PPP1R12A: variants seen among roughly 807,000 people sequenced by gnomAD.
The protein encoded by PPP1R12A is protein phosphatase 1 regulatory subunit 12A.
In PPP1R12A, 19 loss-of-function variants were observed where a neutral mutation model predicts 139.6. The observed-to-expected ratio is 0.14, with a 90% CI of 0.09 to 0.20. The LOEUF (loss-of-function observed/expected upper bound fraction) is 0.20, where lower values mean the gene tolerates loss of function less well. Ranked by LOEUF, PPP1R12A falls within the 10% of genes least tolerant of loss-of-function variation. The probability of loss-of-function intolerance (pLI) is 1.00; values close to 1 mark genes in which losing one functional copy is unlikely to be tolerated. For missense variants in PPP1R12A, 925 were observed against 1,211.5 expected (o/e 0.76, Z 3.51); for synonymous variants, 427 against 420.6 (o/e 1.02, Z -0.19).
intron 3 of PPP1R12A, among the ~76,000 whole-genome samples, chr12:79,844,382 G>A (rs1024753383): frequency 7.9e-5 from 12 of 152,248 alleles, no homozygotes; most frequent in Admixed American, 2.0e-4. Context: ...ATCTCAGATA[G>A]GAACTTCATC....
intron 1 of PPP1R12A, chr12:79,914,000 A>G (rs1317407628): frequency 6.6e-6 from 1 of 152,176 alleles, no homozygotes; most frequent in Non-Finnish European, 1.5e-5. Context: ...TAAGACATTT[A>G]AAAAAATTTC....
In PPP1R12A at chr12:79,776,006, C is replaced by G; in HGVS notation, c.3016G>C (p.Asp1006His). Residue 1006 changes from aspartate to histidine, a missense_variant, in exon 25 of 25, where the codon GAC becomes CAC. By Grantham distance (81) the Asp-to-His change is moderately conservative. Coordinates refer to ENST00000450142, the MANE Select transcript of PPP1R12A (RefSeq NM_002480.3). ...AGCCTCTGGTTGTCTGCTTTTAGGT[C>G]TGGTAACATCTATAAAGAGAAAAAT... ...EMEEELKMLP[D>H]LKADNQRLKD... 1 of 1,588,008 alleles carries G rather than the reference C, an allele frequency of 6.3e-7. No homozygotes were observed.
chr12:79,809,864 T>A lies in PPP1R12A; in HGVS notation c.1386A>T (p.Lys462Asn), dbSNP rs909288159. Residue 462 changes from lysine (K) to asparagine (N), a missense_variant, in exon 10 of 25, where the codon AAA becomes AAT. Coordinates refer to ENST00000450142, the MANE Select transcript of PPP1R12A (RefSeq NM_002480.3). ...CTGAACGTGTAACACCTGCAGTATC[T>A]TTTTCTTTCTGACCCTCTTTAGATG... ...ITASKEGQKE[K>N]DTAGVTRSAS... 2 of 1,613,536 alleles carry A rather than the reference T, an allele frequency of 1.2e-6. No individual in the cohort carries two copies. Among genetic ancestry groups the A allele is most frequent in the Non-Finnish European group, 1.7e-6 (2 of 1,179,674 alleles).
intron 22 of PPP1R12A, chr12:79,782,618 G>A (rs1870595857): frequency 2.3e-6 from 1 of 436,158 alleles, no homozygotes; most frequent in Non-Finnish European, 4.5e-6. Flanking sequence ...CACAGGCACA[G>A]TTTAAGAACA....
chr12:79,882,751 T>C (rs1240270729), intron 1 of PPP1R12A, among the ~76,000 whole-genome samples: 1 of 152,130 alleles, frequency 6.6e-6, no homozygotes. Flanking sequence ...AGTCAGTTGA[T>C]GAGGGAAACT....
At chr12:79,881,125 A>G (rs967479441) in intron 1 of PPP1R12A, among the ~76,000 whole-genome samples, 1 of 152,116 alleles carries the variant, frequency 6.6e-6, no homozygotes, top group Non-Finnish European at 1.5e-5. Context: ...CTTAGAAATA[A>G]CAATATTAAA....
At chr12:79,821,622 G>T (rs1177877743) in intron 6 of PPP1R12A, among the ~76,000 whole-genome samples, 1 of 151,924 alleles carries the variant, frequency 6.6e-6, no homozygotes, top group South Asian at 2.1e-4. Context: ...GCATGGTGGC[G>T]TGTACCTGTA....
At chr12:79,859,189 C>T (rs1384152997) in intron 2 of PPP1R12A, among the ~76,000 whole-genome samples, 1 of 151,464 alleles carries the variant, frequency 6.6e-6, no homozygotes, top group African/African-American at 2.4e-5. Context: ...CAAAAAAAAT[C>T]AGCTGGGCAT....
chr12:79,850,241 A>C (rs896051761), intron 2 of PPP1R12A, among the ~76,000 whole-genome samples: 2 of 152,246 alleles, frequency 1.3e-5, no homozygotes, highest in African/African-American at 2.4e-5. Flanking sequence ...AAATCAAGAC[A>C]TGATCCAAAA....
In PPP1R12A at chr12:79,911,614, G is replaced by C. The variant is rs571594247; in HGVS notation, c.237+23081C>G. 5.3e-5 allele frequency among the ~76,000 whole-genome samples: 8 copies of C among 151,854 alleles called. No homozygotes were observed. In the South Asian group the frequency reaches 1.7e-3, roughly 32 times the overall value. ...CCTGAAATAAAAGGTTTTTTTTTAA[G>C]ACTTAAAAATTCTAGCAAAATATCT... is the stretch of plus-strand genomic sequence containing the variant. On this transcript the variant is annotated intron_variant, in intron 1 of 24. Transcript: ENST00000450142.
rs1888540780 is a variant in PPP1R12A at position 79,934,686 on chromosome 12, C to G, written c.237+9G>C. The G allele has an allele frequency of 6.6e-7, 1 of 1,513,304 alleles. No individual in the cohort carries two copies. The highest frequency in any genetic ancestry group is 1.4e-5 in the African/African-American group (1 of 72,204). The allele number at this position is 1,513,304 out of a possible 1,614,324, so 93.7% of individuals were successfully genotyped here. On this transcript the variant is annotated intron_variant, in intron 1 of 24. Coordinates refer to ENST00000450142, the MANE Select transcript of PPP1R12A (RefSeq NM_002480.3). ...ACGGTCAGGAGAGCCGGCGGCGGGG[C>G]GCACAGACCTGGTGCAGGGCAGTGA...
At chr12:79,866,551 G>T (rs1477229465) in intron 2 of PPP1R12A, among the ~76,000 whole-genome samples, 1 of 152,128 alleles carries the variant, frequency 6.6e-6, no homozygotes, top group Non-Finnish European at 1.5e-5. Context: ...CAGAATCGGA[G>T]AAAATTTTTG....
At chr12:79,890,904 C>CG in intron 1 of PPP1R12A, among the ~76,000 whole-genome samples, 1 of 100,150 alleles carries the variant, frequency 1.0e-5, no homozygotes, top group Middle Eastern at 4.4e-3. Context: ...CCCACACCCA[C>CG]CCACACACAC....
At chr12:79,852,068 G>A (rs1030558371) in intron 2 of PPP1R12A, among the ~76,000 whole-genome samples, 1 of 152,042 alleles carries the variant, frequency 6.6e-6, no homozygotes, top group Admixed American at 6.6e-5. Context: ...AAGATAGCTG[G>A]CTTTATAATC....
At chr12:79,932,011 A>G (rs996874650) in intron 1 of PPP1R12A, among the ~76,000 whole-genome samples, 2 of 152,230 alleles carry the variant, frequency 1.3e-5, no homozygotes, top group Non-Finnish European at 2.9e-5. Context: ...TTCGATTTTC[A>G]AAAGCATATT....
At chr12:79,796,986 T>C (rs757717110) in intron 16 of PPP1R12A, 36 bp from the exon 17 acceptor site, 2 of 1,547,476 alleles carry the variant, frequency 1.3e-6, no homozygotes, top group Admixed American at 2.1e-5. Context: ...ATTTGAAACA[T>C]TAAACACAAT....
chr12:79,885,936 T>C (rs1368201420), intron 1 of PPP1R12A, among the ~76,000 whole-genome samples: 2 of 152,128 alleles, frequency 1.3e-5, no homozygotes, highest in Non-Finnish European at 2.9e-5. Flanking sequence ...CCTCAAGCAA[T>C]CCTCTTGCTT....
At chr12:79,811,607 C>A (rs1565753111) in intron 9 of PPP1R12A, among the ~76,000 whole-genome samples, 2 of 152,222 alleles carry the variant, frequency 1.3e-5, no homozygotes, top group African/African-American at 4.8e-5. Flanking sequence ...GGTACTGAGA[C>A]AGCTGCTTAT....
rs944107136 is a variant in PPP1R12A, at chr12:79,802,288, T to C, written c.2000+3304A>G. 3.9e-5 allele frequency among the ~76,000 whole-genome samples: 6 copies of C among 152,342 alleles called. No homozygotes were observed. The South Asian group carries it at 6.2e-4, about 16-fold the overall frequency. Reference sequence around the variant, plus strand: ...AATCCTCCACCCCTGACCCATTTTGTGGCATATTCAGTAAATATAGAAAAG... The same window carrying C: ...AATCCTCCACCCCTGACCCATTTTGCGGCATATTCAGTAAATATAGAAAAG... On this transcript the variant is annotated intron_variant, in intron 14 of 24. Transcript: ENST00000450142.
Sources: allele counts gnomAD v4.1 joint callset (sites outside exome capture counted in the v4.1 genomes callset), GRCh38; gene constraint gnomAD v4.1.1; transcripts MANE v1.5; gene names NCBI Gene and HGNC (gene_info 2026-07-23, HGNC 2026-07-21).